NETO1: variants seen among roughly 807,000 people sequenced by gnomAD.
The protein encoded by NETO1 is neuropilin and tolloid like 1, also known as neuropilin and tolloid-like protein 1.
In NETO1, 26 loss-of-function variants were observed where a neutral mutation model predicts 61.3. The observed-to-expected ratio is 0.42, with a 90% CI of 0.31 to 0.59. The LOEUF is 0.59. NETO1 is among the 20% of genes least tolerant of loss of function. NETO1 has a pLI of 0.12. For synonymous variants in NETO1, 225 were observed against 225.8 expected (o/e 1.00, Z 0.03); for missense variants, 531 against 662.8 (o/e 0.80, Z 2.18).
intron 4 of NETO1, among the ~76,000 whole-genome samples, chr18:72,810,142 C>A (rs1807891598): frequency 1.3e-5 from 2 of 152,216 alleles, no homozygotes; most frequent in African/African-American, 4.8e-5. Flanking sequence ...ATCAAGTAAT[C>A]TTGGTCCATT....
At position 72,811,861 on chromosome 18, in the gene NETO1, C is replaced by A. The variant is rs556744016; in HGVS notation, c.470-17457G>T. Among the ~76,000 whole-genome samples, 19 of 152,208 alleles carry A rather than the reference C, an allele frequency of 1.2e-4. No homozygotes were observed. The South Asian group carries it at 3.9e-3, about 32-fold the overall frequency. Reference sequence around the variant, plus strand: ...AATCCATGGATTTGGGGTTCTGAAACCTTCTTTTGGTTCTTGGAGACCTTT... The same window carrying A: ...AATCCATGGATTTGGGGTTCTGAAAACTTCTTTTGGTTCTTGGAGACCTTT... On this transcript the variant is annotated intron_variant, in intron 4 of 10. Transcript: ENST00000327305.
intron 7 of NETO1, 34 bp downstream of exon 7, chr18:72,783,643 AC>A (rs1194704866): frequency 6.3e-7 from 1 of 1,580,464 alleles, no homozygotes; most frequent in Non-Finnish European, 8.7e-7. Flanking sequence ...TATGGCATAT[AC>A]GAAGGAAAAA....
At chr18:72,781,333 G>T (rs1453933296) in intron 7 of NETO1, among the ~76,000 whole-genome samples, 1 of 152,130 alleles carries the variant, frequency 6.6e-6, no homozygotes, top group Admixed American at 6.5e-5. Context: ...CTCACTGAAG[G>T]AATGATTCAT....
intron 7 of NETO1, among the ~76,000 whole-genome samples, chr18:72,759,243 C>T (rs1410564756): frequency 6.6e-6 from 1 of 152,212 alleles, no homozygotes; most frequent in Non-Finnish European, 1.5e-5. Flanking sequence ...CCATCCAAAT[C>T]ACATCGGAAC....
rs2070406332 is a variant in NETO1 at position 72,745,286 on chromosome 18, A to G, written c.*2893T>C. ...ACAAAATAAATCAGATTTCCAAATT[A>G]GAACCTTGAAATTAGGCAACTACAA... On this transcript the variant is annotated 3_prime_UTR_variant, in exon 11 of 11. Coordinates refer to ENST00000327305, the MANE Select transcript of NETO1 (RefSeq NM_138966.5). 6.6e-6 allele frequency: 1 copy of G among 152,232 alleles called. No individual in the cohort carries two copies. The highest frequency in any genetic ancestry group is 2.4e-5 in the African/African-American group (1 of 41,470). 9.4% of individuals were successfully genotyped at this position (152,232 alleles called of 1,614,324 possible). A position where few individuals can be genotyped will look rare whatever the true frequency, so the allele number is the denominator to read the frequency against.
At chr18:72,742,384 T>C (rs1005950285), downstream of NETO1, 1 of 152,210 alleles carries the variant, frequency 6.6e-6, no homozygotes, top group Non-Finnish European at 1.5e-5. Flanking sequence ...TGTTACTCTT[T>C]ATAGATGATA....
chr18:72,796,943 C>T lies in NETO1; in HGVS notation c.470-2539G>A, dbSNP rs556423600. 2.6e-5 allele frequency among the ~76,000 whole-genome samples: 4 copies of T among 152,200 alleles called. No homozygotes were observed. In the South Asian group the frequency reaches 6.2e-4, roughly 24 times the overall value. On this transcript the variant is annotated intron_variant, in intron 4 of 10. Transcript: ENST00000327305. ...TATTTCAATAAATACATATTTAACA[C>T]CTACTGTGTAATAAAAGCCATGTTT...
Position 72,867,315 on chromosome 18 carries a change from C to T in NETO1, c.-24G>A. The T allele has an allele frequency of 1.3e-6, 2 of 1,560,382 alleles. No homozygotes were observed. Among genetic ancestry groups the T allele is most frequent in the Non-Finnish European group, 1.7e-6 (2 of 1,152,890 alleles). ...ATGTCTGTGCGTTACACCAGAGGCT[C>T]CGGGCTCCACTAATTCCATTTAGAG... On this transcript the variant is annotated 5_prime_UTR_variant, in exon 1 of 11. Transcript: ENST00000327305.
intron 7 of NETO1, among the ~76,000 whole-genome samples, chr18:72,758,842 AAAAC>A (rs1270832618): frequency 6.6e-6 from 1 of 152,116 alleles, no homozygotes; most frequent in African/African-American, 2.4e-5. Flanking sequence ...ACCCTATCTC[AAAAC>A]AAACAAACAA....
intron 1 of NETO1, 30 bp downstream of exon 1, chr18:72,867,234 G>T: frequency 6.5e-7 from 1 of 1,530,142 alleles, no homozygotes; most frequent in Non-Finnish European, 8.8e-7. Context: ...GGCTCCGGGA[G>T]CGCACGGGCG....
At chr18:72,742,383 T>A (rs897904477), downstream of NETO1, 1 of 152,208 alleles carries the variant, frequency 6.6e-6, no homozygotes, top group African/African-American at 2.4e-5. Flanking sequence ...TTGTTACTCT[T>A]TATAGATGAT....
At chr18:72,824,438 T>A (rs73966675) in intron 4 of NETO1, among the ~76,000 whole-genome samples, 5,641 of 152,308 alleles carry the variant, frequency 0.037, 116 homozygotes, top group South Asian at 0.069. Context: ...ACAGTAGAAT[T>A]AAAAGTCCCT....
At chr18:72,827,595 A>G (rs2073422782) in intron 4 of NETO1, among the ~76,000 whole-genome samples, 1 of 152,026 alleles carries the variant, frequency 6.6e-6, no homozygotes, top group Admixed American at 6.6e-5. Context: ...GTCTGCCTGT[A>G]GTCCCAGCTA....
intron 7 of NETO1, among the ~76,000 whole-genome samples, chr18:72,768,974 G>GCAAT (rs1445729956): frequency 6.6e-6 from 1 of 152,198 alleles, no homozygotes. Context: ...AGATTTCTCA[G>GCAAT]GCAATCTGAC....
At chr18:72,815,117 A>G (rs1328812810) in intron 4 of NETO1, among the ~76,000 whole-genome samples, 1 of 152,166 alleles carries the variant, frequency 6.6e-6, no homozygotes, top group Non-Finnish European at 1.5e-5. Context: ...ATTTTTAATT[A>G]CTCATGTTGG....
At chr18:72,866,728 GC>G (rs1451564943) in intron 1 of NETO1, 2 of 987,610 alleles carry the variant, frequency 2.0e-6, no homozygotes, top group Non-Finnish European at 2.4e-6. Context: ...CCTCTACACT[GC>G]CCGCGTTACC....
intron 4 of NETO1, among the ~76,000 whole-genome samples, chr18:72,827,378 A>C (rs997197851): frequency 6.6e-6 from 1 of 152,084 alleles, no homozygotes; most frequent in Non-Finnish European, 1.5e-5. Context: ...CCAGCCCCAA[A>C]CAACCATATG....
chr18:72,785,406 T>C (rs976036592), intron 6 of NETO1, among the ~76,000 whole-genome samples: 6 of 152,214 alleles, frequency 3.9e-5, no homozygotes, highest in Admixed American at 2.6e-4. Context: ...ATTTCTATAA[T>C]ATTTCAACAC....
At chr18:72,854,983 T>C (rs548366450) in intron 4 of NETO1, among the ~76,000 whole-genome samples, 62 of 152,338 alleles carry the variant, frequency 4.1e-4, no homozygotes, top group African/African-American at 1.4e-3. Flanking sequence ...TTTCTAGTCA[T>C]TTGATTTTAT....
Sources: gnomAD v4.1 joint callset for allele counts (sites outside exome capture counted in the v4.1 genomes callset) on GRCh38, gnomAD v4.1.1 for gene constraint, MANE v1.5 for transcripts, NCBI Gene and HGNC (gene_info 2026-07-23, HGNC 2026-07-21) for gene names.